Variants in ODF2L observed in about 807,000 individuals in gnomAD.
The protein encoded by ODF2L is protein BCAP.
Under a neutral mutation model 86.3 loss-of-function variants are expected in ODF2L, and 76 were observed. That is an observed-to-expected ratio of 0.88 (90% CI 0.73 to 1.07). The LOEUF (loss-of-function observed/expected upper bound fraction) is 1.07, where lower values mean the gene tolerates loss of function less well. Ranked by LOEUF, ODF2L falls within the 50% of genes least tolerant of loss-of-function variation. The probability of loss-of-function intolerance (pLI) is 0.00; values close to 1 mark genes in which losing one functional copy is unlikely to be tolerated. For synonymous variants in ODF2L, 241 were observed against 231.3 expected (o/e 1.04, Z -0.38); for missense variants, 748 against 717.4 (o/e 1.04, Z -0.49).
At chr1:86,380,406 T>C (rs1213678159) in intron 7 of ODF2L, among the ~76,000 whole-genome samples, 1 of 152,082 alleles carries the variant, frequency 6.6e-6, no homozygotes, top group Non-Finnish European at 1.5e-5. Flanking sequence ...TAAGTCGACA[T>C]AAGACAAAGG....
exon 18 of ODF2L, chr1:86,351,609 G>A (rs1453111969): frequency 6.6e-6 from 1 of 152,354 alleles, no homozygotes; most frequent in East Asian, 1.9e-4. Context: ...ATTTGAAGTA[G>A]TTTTTTCTAA....
intron 8 of ODF2L, among the ~76,000 whole-genome samples, chr1:86,375,291 A>G (rs1190084326): frequency 6.6e-6 from 1 of 152,174 alleles, no homozygotes; most frequent in Admixed American, 6.5e-5. Context: ...AAGGAGGACA[A>G]TGCAAAAATA....
At position 86,376,366 on chromosome 1, in the gene ODF2L, T is replaced by C. The variant is rs760275568; in HGVS notation, c.677A>G (p.Asn226Ser). Reference sequence around the variant, plus strand: ...TGCTTCTTTCATCACTATAGCCTCATTCTTATTCATTCTTGATTGCAGGTT... The same window carrying C: ...TGCTTCTTTCATCACTATAGCCTCACTCTTATTCATTCTTGATTGCAGGTT... Residue 226 changes from asparagine (N) to serine (S), a missense_variant, in exon 8 of 18, where the codon AAT becomes AGT. Coordinates refer to ENST00000317336, the Ensembl canonical transcript of ODF2L. 1.6e-4 allele frequency: 256 copies of C among 1,608,724 alleles called. No individual in the cohort carries two copies. Among genetic ancestry groups the C allele is most frequent in the Non-Finnish European group, 2.0e-4 (240 of 1,178,276 alleles).
rs1021757385 is a variant in ODF2L at position 86,385,921 on chromosome 1, C to T, written c.114-331G>A. 3.0e-5 allele frequency: 5 copies of T among 168,930 alleles called. No individual in the cohort carries two copies. The South Asian group carries it at 5.2e-4, about 17-fold the overall frequency. 10.5% of individuals were successfully genotyped at this position (168,930 alleles called of 1,614,324 possible). A position where few individuals can be genotyped will look rare whatever the true frequency, so the allele number is the denominator to read the frequency against. ...TTTTCTCTTTCTTTGTAAAACATAACGGCTCATTAACAACTGATGGCATCT... is the reference window on the plus strand; with the variant it reads ...TTTTCTCTTTCTTTGTAAAACATAATGGCTCATTAACAACTGATGGCATCT... On this transcript the variant is annotated intron_variant, in intron 2 of 17. Transcript: ENST00000317336.
chr1:86,350,061 A>G (rs545358293), downstream of ODF2L: 3 of 483,414 alleles, frequency 6.2e-6, no homozygotes, highest in South Asian at 2.7e-4. Flanking sequence ...CTAGAATTTT[A>G]CTAGTACAAA....
chr1:86,358,553 C>A (rs977183355), intron 13 of ODF2L: 1 of 210,948 alleles, frequency 4.7e-6, no homozygotes, highest in African/African-American at 2.3e-5. Flanking sequence ...AAAAATTAAA[C>A]ATTTATGCTA....
intron 7 of ODF2L, among the ~76,000 whole-genome samples, chr1:86,377,262 G>C (rs1365485877): frequency 6.6e-6 from 1 of 152,178 alleles, no homozygotes; most frequent in Non-Finnish European, 1.5e-5. Flanking sequence ...CTGATGCAAG[G>C]AGTGGGCTCC....
In ODF2L at chr1:86,386,853, T is replaced by C. The variant is rs758119839; in HGVS notation, c.113+62A>G. ...TATTTGATTCAAATAATTTATATTA[T>C]AGACAAAACAGGAAATCCTAGAATC... is the stretch of plus-strand genomic sequence containing the variant. On this transcript the variant is annotated intron_variant, in intron 2 of 17. Coordinates refer to ENST00000317336, the Ensembl canonical transcript of ODF2L. 16 of 798,346 alleles carry C rather than the reference T, an allele frequency of 2.0e-5. No homozygotes were observed. In the East Asian group the frequency reaches 3.1e-4, roughly 15 times the overall value. The allele number at this position is 798,346 out of a possible 1,614,324, so 49.5% of individuals were successfully genotyped here.
At chr1:86,376,688 A>T (rs553863862) in intron 7 of ODF2L, among the ~76,000 whole-genome samples, 4 of 152,278 alleles carry the variant, frequency 2.6e-5, no homozygotes, top group African/African-American at 9.6e-5. Context: ...GAGACAGAAG[A>T]GTGAGGAGCA....
At chr1:86,350,491 C>G (rs1445353926) in exon 18 of ODF2L, 1 of 152,190 alleles carries the variant, frequency 6.6e-6, no homozygotes, top group Non-Finnish European at 1.5e-5. Flanking sequence ...TTTCTTTATT[C>G]AGTCTATCAT....
intron 2 of ODF2L, 131 bp from the exon 3 acceptor site, chr1:86,385,721 C>G: frequency 1.7e-6 from 1 of 591,268 alleles, no homozygotes; most frequent in Non-Finnish European, 2.9e-6. Context: ...TAGCTCGAAA[C>G]TTGGACTTTG....
chr1:86,393,631 T>C (rs1359489723), intron 1 of ODF2L, among the ~76,000 whole-genome samples: 3 of 152,234 alleles, frequency 2.0e-5, no homozygotes, highest in Admixed American at 2.0e-4. Flanking sequence ...CGGCATGTAC[T>C]TCAAAGCCAA....
chr1:86,359,377 C>A (rs1570362543), intron 12 of ODF2L, among the ~76,000 whole-genome samples: 1 of 152,300 alleles, frequency 6.6e-6, no homozygotes, highest in East Asian at 1.9e-4. Flanking sequence ...CCACCACAAC[C>A]TCCATTCCTA....
intron 1 of ODF2L, among the ~76,000 whole-genome samples, chr1:86,395,657 A>G (rs1661685173): frequency 1.3e-5 from 2 of 152,188 alleles, no homozygotes; most frequent in African/African-American, 4.8e-5. Flanking sequence ...ACAATCTGAT[A>G]TATCACATGA....
intron 14 of ODF2L, among the ~76,000 whole-genome samples, chr1:86,355,582 G>A (rs1658486855): frequency 6.6e-6 from 1 of 152,122 alleles, no homozygotes; most frequent in Non-Finnish European, 1.5e-5. Flanking sequence ...TGTTACACAG[G>A]TCAGCTTGTG....
intron 16 of ODF2L, among the ~76,000 whole-genome samples, chr1:86,353,599 A>G (rs1342426335): frequency 6.6e-6 from 1 of 152,168 alleles, no homozygotes; most frequent in Non-Finnish European, 1.5e-5. Context: ...GCTGGGTTGG[A>G]GCCACAAGAA....
chr1:86,370,639 A>C (rs958441725), intron 10 of ODF2L, among the ~76,000 whole-genome samples: 6 of 152,104 alleles, frequency 3.9e-5, no homozygotes, highest in Non-Finnish European at 8.8e-5. Flanking sequence ...CCCCTTGGAT[A>C]TGAGTAAGTT....
At chr1:86,393,257 C>A (rs542178206) in intron 1 of ODF2L, among the ~76,000 whole-genome samples, 1 of 152,212 alleles carries the variant, frequency 6.6e-6, no homozygotes, top group Admixed American at 6.5e-5. Flanking sequence ...GCTTCAAACA[C>A]AGCTTCTACT....
At chr1:86,371,108 A>T in exon 10 of ODF2L, 1 of 1,550,448 alleles carries the variant, frequency 6.4e-7, no homozygotes, top group South Asian at 1.2e-5. Flanking sequence ...AATTTTTTCC[A>T]TGGTCTTCCA....
Sources: gnomAD v4.1 joint callset for allele counts (sites outside exome capture counted in the v4.1 genomes callset) on GRCh38, gnomAD v4.1.1 for gene constraint, MANE v1.5 for transcripts, NCBI Gene and HGNC (gene_info 2026-07-23, HGNC 2026-07-21) for gene names.